Variants in PCBP3 observed in about 807,000 individuals in gnomAD.
PCBP3 encodes the protein poly(rC)-binding protein 3.
A neutral mutation model predicts 52.7 loss-of-function variants in PCBP3; 25 were observed. That is an observed-to-expected ratio of 0.47 (90% CI 0.35 to 0.66). The LOEUF is 0.66. Among genes scored for constraint, PCBP3 ranks in the 30% least tolerant of loss-of-function variants. The pLI is 0.01. For synonymous variants in PCBP3, 162 were observed against 183.0 expected (o/e 0.89, Z 0.93); for missense variants, 391 against 490.3 (o/e 0.80, Z 1.91).
At chr21:45,732,206 G>A (rs2085505279) in intron 2 of PCBP3, among the ~76,000 whole-genome samples, 1 of 151,970 alleles carries the variant, frequency 6.6e-6, no homozygotes, top group Admixed American at 6.5e-5. Context: ...GAATTCAATT[G>A]GCTCCTGACT....
In PCBP3 at chr21:45,736,562, G is replaced by A. The variant is rs114576018; in HGVS notation, c.-162+1133G>A. 2.0e-3 allele frequency among the ~76,000 whole-genome samples: 309 copies of A among 152,048 alleles called. 1 individual carries two copies. The highest frequency in any genetic ancestry group is 7.2e-3 in the African/African-American group (297 of 41,478). ...ACGGCATGGGGAGTTGGCAGGGGGA[G>A]GCCCTCGGAGAGATGGCATGGGGAG... On this transcript the variant is annotated intron_variant, in intron 3 of 17. Transcript: ENST00000681687. The surrounding 1 kb of genome is among the most constrained non-coding windows in gnomAD (Gnocchi z 4.6).
chr21:45,869,761 G>A lies in PCBP3; in HGVS notation c.10+19666G>A, dbSNP rs146103595. Reference sequence around the variant, plus strand: ...CCAGGGCCCCAGGGCCTGTCCCCTCGCCACCAACGTTGCATGCCACCACAC... The same window carrying A: ...CCAGGGCCCCAGGGCCTGTCCCCTCACCACCAACGTTGCATGCCACCACAC... On this transcript the variant is annotated intron_variant, in intron 5 of 17. Coordinates refer to ENST00000681687, the MANE Select transcript of PCBP3 (RefSeq NM_001384156.1). Among the ~76,000 whole-genome samples, 30 of 152,304 alleles carry A rather than the reference G, an allele frequency of 2.0e-4. No individual in the cohort carries two copies. In the East Asian group the frequency reaches 4.6e-3, roughly 24 times the overall value.
intron 12 of PCBP3, 102 bp downstream of exon 12, chr21:45,914,127 G>C: frequency 1.9e-6 from 3 of 1,580,122 alleles, no homozygotes; most frequent in Non-Finnish European, 2.6e-6. Context: ...GCCTTCTCAC[G>C]TGCACGTCTC....
At chr21:45,919,738 G>A (rs2074130406) in intron 13 of PCBP3, among the ~76,000 whole-genome samples, 1 of 152,230 alleles carries the variant, frequency 6.6e-6, no homozygotes, top group Non-Finnish European at 1.5e-5. Flanking sequence ...AAGCCGGGCT[G>A]TGGCCACCAC....
At chr21:45,659,302 A>G (rs1041488201) in intron 1 of PCBP3, among the ~76,000 whole-genome samples, 4 of 145,830 alleles carry the variant, frequency 2.7e-5, no homozygotes, top group African/African-American at 7.6e-5. Flanking sequence ...ACTGCCTTTC[A>G]TAAGTTTTGA....
At position 45,898,816 on chromosome 21, in the gene PCBP3, C is replaced by T. The variant is rs180717443; in HGVS notation, c.166-783C>T. On this transcript the variant is annotated intron_variant, in intron 6 of 17. Coordinates refer to ENST00000681687, the MANE Select transcript of PCBP3 (RefSeq NM_001384156.1). ...TCCTCACGGCCTCCCTCTCTCTCCA[C>T]GGGCCCCTCTGCACGCCGTCCTCAC... Among the ~76,000 whole-genome samples the T allele has an allele frequency of 8.1e-3, 961 of 119,376 alleles. 66 individuals carry two copies. Among genetic ancestry groups the T allele is most frequent in the African/African-American group, 0.036 (910 of 25,248 alleles). The allele number at this position is 119,376 out of a possible 152,430, so 78.3% of individuals were successfully genotyped here.
In PCBP3 at chr21:45,917,368, C is replaced by G; in HGVS notation, c.676-220C>G. On this transcript the variant is annotated intron_variant, in intron 12 of 17. Transcript: ENST00000681687. This position sits in a 1 kb window ranked among gnomAD's most constrained non-coding sequence, Gnocchi z 5.3. Reference sequence around the variant, plus strand: ...GTTTCCCTCCCACCCGCTGAACTGGCCAGCTCAGCTCTGCCCGCCCAGAGG... The same window carrying G: ...GTTTCCCTCCCACCCGCTGAACTGGGCAGCTCAGCTCTGCCCGCCCAGAGG... 2.5e-5 allele frequency: 10 copies of G among 396,818 alleles called. No homozygotes were observed. The highest frequency in any genetic ancestry group is 1.5e-4 in the East Asian group (3 of 20,482). The allele number at this position is 396,818 out of a possible 1,614,324, so 24.6% of individuals were successfully genotyped here. A position where few individuals can be genotyped will look rare whatever the true frequency, so the allele number is the denominator to read the frequency against.
rs970755654 is a variant in PCBP3 at position 45,805,967 on chromosome 21, G to T, written c.-125-43994G>T. On this transcript the variant is annotated intron_variant, in intron 4 of 17. Coordinates refer to ENST00000681687, the MANE Select transcript of PCBP3 (RefSeq NM_001384156.1). The surrounding 1 kb of genome is among the most constrained non-coding windows in gnomAD (Gnocchi z 4.6). ...CTGTGAGGTTCCCATTGCATGAGAA[G>T]ATGGAGGAGCCTCCTTGTGCTGCTG... Among the ~76,000 whole-genome samples, 1 of 152,230 alleles carries T rather than the reference G, an allele frequency of 6.6e-6. No homozygotes were observed. The highest frequency in any genetic ancestry group is 1.5e-5 in the Non-Finnish European group (1 of 68,036).
chr21:45,875,910 C>G (rs2148703691), intron 5 of PCBP3, among the ~76,000 whole-genome samples: 1 of 152,354 alleles, frequency 6.6e-6, no homozygotes, highest in East Asian at 1.9e-4. Flanking sequence ...CAGCCCACAG[C>G]CAATTTCTCC....
In PCBP3 at chr21:45,784,335, GCTCTACCTCTACCTCTAC is replaced by G. The variant is rs1209477660; in HGVS notation, c.-126+28927_-126+28944del. Among the ~76,000 whole-genome samples the G allele has an allele frequency of 9.2e-4, 97 of 105,844 alleles. 1 individual carries two copies. Among genetic ancestry groups the G allele is most frequent in the South Asian group, 8.3e-3 (32 of 3,852 alleles). The allele number at this position is 105,844 out of a possible 152,430, so 69.4% of individuals were successfully genotyped here. Reference sequence around the variant, plus strand: ...CCACCAGGGAATGTTAATAGTGACAGCTCTACCTCTACCTCTACCTCTACCTCTACCTCTACCTCTACC... The same window carrying G: ...CCACCAGGGAATGTTAATAGTGACAGCTCTACCTCTACCTCTACCTCTACC... On this transcript the variant is annotated intron_variant, in intron 4 of 17. Coordinates refer to ENST00000681687, the MANE Select transcript of PCBP3 (RefSeq NM_001384156.1).
chr21:45,820,548 T>TG (rs1416669866), intron 4 of PCBP3, among the ~76,000 whole-genome samples: 15 of 152,122 alleles, frequency 9.9e-5, no homozygotes, highest in African/African-American at 3.6e-4. Flanking sequence ...CTTGACCTGG[T>TG]GCTGGAAGGC....
rs1273647644 is a variant in PCBP3 at position 45,929,951 on chromosome 21, A to C, written c.752A>C (p.Gln251Pro). Residue 251 changes from glutamine to proline, a missense_variant, in exon 14 of 18, where the codon CAA (glutamine) becomes CCA (proline). By Grantham distance (76) the Gln-to-Pro change is moderately conservative. Coordinates refer to ENST00000681687, the MANE Select transcript of PCBP3 (RefSeq NM_001384156.1). ...LTKLHQLAMQQTPFPPLGQTN... is the reference protein window; with the variant it reads ...LTKLHQLAMQPTPFPPLGQTN... ...AAGCTCCACCAGTTGGCCATGCAGC[A>C]AACCCCCTTTCCTCCCCTCGGACAG... 1 of 1,613,784 alleles carries C rather than the reference A, an allele frequency of 6.2e-7. No homozygotes were observed. The highest frequency in any genetic ancestry group is 8.5e-7 in the Non-Finnish European group (1 of 1,179,946).
intron 3 of PCBP3, among the ~76,000 whole-genome samples, chr21:45,754,320 A>T (rs2087826061): frequency 6.6e-6 from 1 of 152,210 alleles, no homozygotes; most frequent in Non-Finnish European, 1.5e-5. Context: ...GAAAACTTTT[A>T]AATTATGTCC....
rs193175846 is a variant in PCBP3 at position 45,840,805 on chromosome 21, A to T, written c.-125-9156A>T. On this transcript the variant is annotated intron_variant, in intron 4 of 17. Transcript: ENST00000681687. ...AATTTTAAATTTTTTTGTAGCGCTG[A>T]GGTCTCCCTACATTCCCTAGGCTGG... Among the ~76,000 whole-genome samples the T allele has an allele frequency of 1.4e-3, 216 of 152,236 alleles. 1 individual carries two copies. The highest frequency in any genetic ancestry group is 5.3e-4 in the Non-Finnish European group (36 of 68,022).
At chr21:45,882,885 C>T (rs1486340440) in intron 5 of PCBP3, among the ~76,000 whole-genome samples, 5 of 152,178 alleles carry the variant, frequency 3.3e-5, no homozygotes, top group Admixed American at 3.3e-4. Context: ...GCCTGCATGT[C>T]GTTCTTACAC....
rs2077489527 is a variant in PCBP3, at chr21:45,941,702, T to G, written c.1112T>G (p.Leu371Arg). The change falls in exon 18 of 18, where the codon CTG becomes CGG. Residue 371 changes from leucine to arginine, a missense_variant. Leu to Arg is a moderately radical substitution (Grantham distance 102). Transcript: ENST00000681687. ...LTSEVTGMGT[L>R] ...TCCGAGGTCACCGGGATGGGCACGC[T>G]GTAATCCTACCCAGCACCCTTCCCC... The G allele has an allele frequency of 6.2e-7, 1 of 1,605,874 alleles. No homozygotes were observed. The highest frequency in any genetic ancestry group is 8.5e-7 in the Non-Finnish European group (1 of 1,176,180).
intron 13 of PCBP3, among the ~76,000 whole-genome samples, chr21:45,923,406 C>A (rs373267): frequency 0.2 from 29,846 of 152,170 alleles, 3,745 homozygotes; most frequent in Non-Finnish European, 0.28. Flanking sequence ...CCACTCCTTT[C>A]ATGAAACAAG....
At chr21:45,646,099 C>CTGTGTG (rs1569070146) in intron 1 of PCBP3, among the ~76,000 whole-genome samples, 1 of 85,444 alleles carries the variant, frequency 1.2e-5, no homozygotes, top group Admixed American at 1.4e-4. Context: ...CTCTCTCTCT[C>CTGTGTG]TCTCTCTCTG....
intron 4 of PCBP3, among the ~76,000 whole-genome samples, chr21:45,764,390 G>A (rs2089075548): frequency 6.6e-6 from 1 of 152,216 alleles, no homozygotes. Flanking sequence ...CCAAAGTGCT[G>A]GGATTACAGG....
Sources: allele counts gnomAD v4.1 joint callset (sites outside exome capture counted in the v4.1 genomes callset), GRCh38; gene constraint gnomAD v4.1.1; non-coding constraint Gnocchi (gnomAD v3.1); transcripts MANE v1.5; gene names NCBI Gene and HGNC (gene_info 2026-07-23, HGNC 2026-07-21).